The following SYNE3 variants were observed in gnomAD, a reference collection of about 807,000 sequenced individuals.
SYNE3 encodes the protein nesprin-3.
Under a neutral mutation model 111.2 loss-of-function variants are expected in SYNE3, and 100 were observed. The ratio of observed to expected loss-of-function variants is 0.90; its 90% CI spans 0.77 to 1.06. The LOEUF is 1.06. Ranked by LOEUF, SYNE3 falls within the 50% of genes least tolerant of loss-of-function variation. The pLI is 0.00. For missense variants in SYNE3, 1,160 were observed against 1,240.3 expected, an observed-to-expected ratio of 0.94 and a Z score of 0.97; for synonymous variants, 547 against 533.9, an observed-to-expected ratio of 1.02 and a Z score of -0.34.
chr14:95,473,460 C>T (rs527633894), intron 2 of SYNE3, among the ~76,000 whole-genome samples: 6 of 152,144 alleles, frequency 3.9e-5, no homozygotes, highest in South Asian at 4.1e-4. Context: ...CTGAGAAAGG[C>T]GGAAACTGGT....
intron 1 of SYNE3, among the ~76,000 whole-genome samples, chr14:95,479,166 G>C (rs781147889): frequency 3.4e-5 from 5 of 148,998 alleles, no homozygotes; most frequent in Non-Finnish European, 5.9e-5. Flanking sequence ...AGGCTGATAC[G>C]GGAGGATCAC....
chr14:95,470,287 C>T lies in SYNE3; in HGVS notation c.145-2320G>A, dbSNP rs1888447742. Among the ~76,000 whole-genome samples the T allele has an allele frequency of 6.6e-6, 1 of 152,100 alleles. No individual in the cohort carries two copies. The highest frequency in any genetic ancestry group is 1.5e-5 in the Non-Finnish European group (1 of 68,020). ...ACCACCCAGGGGCAGGGTTCCACAG[C>T]ATGGCTGAGGATGAATTTGTTGCCA... On this transcript the variant is annotated intron_variant, in intron 2 of 17. Transcript: ENST00000682763. This position sits in a 1 kb window ranked among gnomAD's most constrained non-coding sequence, Gnocchi z 4.2.
chr14:95,457,949 C>T (rs1214287583), intron 4 of SYNE3, among the ~76,000 whole-genome samples: 3 of 152,190 alleles, frequency 2.0e-5, no homozygotes, highest in Non-Finnish European at 4.4e-5. Context: ...GTATGCAAAT[C>T]AATGGCAAGC....
At chr14:95,476,832 A>G (rs1888916560) in intron 1 of SYNE3, among the ~76,000 whole-genome samples, 1 of 152,256 alleles carries the variant, frequency 6.6e-6, no homozygotes, top group Non-Finnish European at 1.5e-5. Flanking sequence ...TAACACATCA[A>G]AAAACTCAAC....
At chr14:95,418,064 G>T (rs2139332187) in intron 17 of SYNE3, 38 bp from the exon 18 acceptor site, 1 of 1,599,360 alleles carries the variant, frequency 6.3e-7, no homozygotes. Context: ...TGGGCTGGGG[G>T]GCTCTGGTGG....
chr14:95,507,149 C>T (rs903611706), intron 1 of SYNE3, among the ~76,000 whole-genome samples: 24 of 152,196 alleles, frequency 1.6e-4, no homozygotes, highest in African/African-American at 4.8e-5. Context: ...AAGGGTCCTT[C>T]CTGGTGCCCC....
At position 95,407,758 on chromosome 14, in the gene SYNE3, CACAA is replaced by C. The variant is rs924169371; in HGVS notation, c.*10064_*10067del. Reference sequence around the variant, plus strand: ...ATACACACACAAGTGTGAACGCATACACAAACACACACACACAGACACACACACA... The same window carrying C: ...ATACACACACAAGTGTGAACGCATACACACACACACACAGACACACACACA... On this transcript the variant is annotated 3_prime_UTR_variant, in exon 18 of 18. Coordinates refer to ENST00000682763, the MANE Select transcript of SYNE3 (RefSeq NM_152592.6). 2.0e-5 allele frequency: 3 copies of C among 149,986 alleles called. No individual in the cohort carries two copies. Among genetic ancestry groups the C allele is most frequent in the African/African-American group, 4.9e-5 (2 of 41,158 alleles). 9.3% of individuals were successfully genotyped at this position (149,986 alleles called of 1,614,324 possible).
chr14:95,477,430 C>A (rs888241753), intron 1 of SYNE3, among the ~76,000 whole-genome samples: 2 of 152,140 alleles, frequency 1.3e-5, no homozygotes, highest in Non-Finnish European at 2.9e-5. Flanking sequence ...CTCTATTAAG[C>A]ACTTAGAATT....
At chr14:95,476,764 A>G (rs1252221754) in intron 1 of SYNE3, among the ~76,000 whole-genome samples, 1 of 152,258 alleles carries the variant, frequency 6.6e-6, no homozygotes, top group Admixed American at 6.5e-5. Context: ...GTCTCCCACA[A>G]TACCTTGTAC....
At chr14:95,495,588 G>A (rs1008502839) in intron 1 of SYNE3, among the ~76,000 whole-genome samples, 4 of 152,248 alleles carry the variant, frequency 2.6e-5, no homozygotes. Context: ...TCATCGTGCT[G>A]CCTGACAGAT....
chr14:95,469,883 TGAC>T (rs1429227605), intron 2 of SYNE3, among the ~76,000 whole-genome samples: 2 of 127,398 alleles, frequency 1.6e-5, no homozygotes, highest in Non-Finnish European at 1.9e-5. Context: ...TCGTTGATGA[TGAC>T]GATGATGATG....
chr14:95,486,301 C>T (rs1328140863), intron 1 of SYNE3, among the ~76,000 whole-genome samples: 1 of 152,132 alleles, frequency 6.6e-6, no homozygotes, highest in African/African-American at 2.4e-5. Context: ...CTGCCTGCAC[C>T]TTCCTCAGTG....
At chr14:95,421,047 T>TTC (rs766420815) in intron 17 of SYNE3, among the ~76,000 whole-genome samples, 3 of 152,204 alleles carry the variant, frequency 2.0e-5, no homozygotes, top group African/African-American at 4.8e-5. Flanking sequence ...TTGGCTCCCA[T>TTC]TCTCTCTTGT....
chr14:95,512,612 G>C (rs1890761379), intron 1 of SYNE3, among the ~76,000 whole-genome samples: 2 of 151,646 alleles, frequency 1.3e-5, no homozygotes, highest in African/African-American at 4.9e-5. Flanking sequence ...TAGCACTTTG[G>C]GAGGCTGAGG....
chr14:95,464,122 G>C (rs61743133), intron 4 of SYNE3, among the ~76,000 whole-genome samples: 9,424 of 152,256 alleles, frequency 0.062, 390 homozygotes, highest in South Asian at 0.085. Context: ...TAAACTGTCA[G>C]CATGAAGAAC....
rs780197275 is a variant in SYNE3 at position 95,446,038 on chromosome 14, C to T, written c.1503G>A (p.Leu501=). ...AGATGCCAATCAGGAGGTCTTTCTT[C>T]AGCTGCAGCATCGTCAGCAGCTCTT... is the stretch of plus-strand genomic sequence containing the variant. ...RLKELLTMLQ[L]KKDLLIGIFG... Residue 501 remains leucine (L), a synonymous_variant, in exon 9 of 18, where the codon CTG becomes CTA. Coordinates refer to ENST00000682763, the MANE Select transcript of SYNE3 (RefSeq NM_152592.6). 2 of 1,614,178 alleles carry T rather than the reference C, an allele frequency of 1.2e-6. No individual in the cohort carries two copies. The highest frequency in any genetic ancestry group is 2.2e-5 in the South Asian group (2 of 91,084).
intron 1 of SYNE3, among the ~76,000 whole-genome samples, chr14:95,481,417 G>C (rs1023182930): frequency 6.6e-6 from 1 of 152,164 alleles, no homozygotes; most frequent in Non-Finnish European, 1.5e-5. Context: ...GCTGCGAGGA[G>C]ACAAAAGGAA....
chr14:95,417,255 G>A lies in SYNE3; in HGVS notation c.*571C>T, dbSNP rs1903609406. The A allele has an allele frequency of 6.2e-6, 1 of 160,770 alleles. No homozygotes were observed. The allele number at this position is 160,770 out of a possible 1,614,324, so 10.0% of individuals were successfully genotyped here. On this transcript the variant is annotated 3_prime_UTR_variant, in exon 18 of 18. Coordinates refer to ENST00000682763, the MANE Select transcript of SYNE3 (RefSeq NM_152592.6). Reference sequence around the variant, plus strand: ...TTGCCATTTCTACTTCTGACACGTGGCAGCTACTCTTTGTGGTTGTTAAAA... The same window carrying A: ...TTGCCATTTCTACTTCTGACACGTGACAGCTACTCTTTGTGGTTGTTAAAA...
chr14:95,446,986 G>A (rs569759030), intron 8 of SYNE3, among the ~76,000 whole-genome samples: 89 of 152,212 alleles, frequency 5.8e-4, no homozygotes, highest in African/African-American at 2.0e-3. Context: ...TTTTGTCTTC[G>A]CCCAGAGTTC....
Sources: allele counts gnomAD v4.1 joint callset (sites outside exome capture counted in the v4.1 genomes callset), GRCh38; gene constraint gnomAD v4.1.1; non-coding constraint Gnocchi (gnomAD v3.1); transcripts MANE v1.5; gene names NCBI Gene and HGNC (gene_info 2026-07-23, HGNC 2026-07-21).